Variants in PAG1 observed in about 807,000 individuals in gnomAD.
PAG1 encodes phosphoprotein membrane anchor with glycosphingolipid microdomains 1.
A neutral mutation model predicts 31.7 loss-of-function variants in PAG1; 23 were observed. That is an observed-to-expected ratio of 0.73 (90% confidence interval 0.52 to 1.03). The LOEUF is 1.03. Among genes scored for constraint, PAG1 ranks in the 50% least tolerant of loss-of-function variants. PAG1 has a pLI of 0.00. For missense variants in PAG1, 473 were observed against 540.7 expected, an observed-to-expected ratio of 0.87 and a Z score of 1.24; for synonymous variants, 214 against 210.3, an observed-to-expected ratio of 1.02 and a Z score of -0.15.
chr8:80,999,489 A>G (rs1304283486), intron 3 of PAG1, among the ~76,000 whole-genome samples: 1 of 151,886 alleles, frequency 6.6e-6, no homozygotes, highest in Non-Finnish European at 1.5e-5. Context: ...GATGAAAGAA[A>G]CCTGGAATGC....
intron 2 of PAG1, among the ~76,000 whole-genome samples, chr8:81,033,331 T>C (rs558578946): frequency 6.6e-6 from 1 of 152,300 alleles, no homozygotes; most frequent in South Asian, 2.1e-4. Context: ...ACAACTTGAG[T>C]ATAATTCTGA....
chr8:81,066,937 G>GCT (rs752633547), intron 2 of PAG1, among the ~76,000 whole-genome samples: 1 of 152,132 alleles, frequency 6.6e-6, no homozygotes, highest in Non-Finnish European at 1.5e-5. Context: ...AAAGTGGGAG[G>GCT]CTCGCTTGAG....
chr8:81,067,183 T>C (rs981758732), intron 2 of PAG1, among the ~76,000 whole-genome samples: 3 of 152,308 alleles, frequency 2.0e-5, no homozygotes, highest in Admixed American at 2.0e-4. Context: ...TTAAAAATTA[T>C]GTATGTTTGC....
intron 2 of PAG1, among the ~76,000 whole-genome samples, chr8:81,044,657 A>G (rs16908458): frequency 0.054 from 8,207 of 151,678 alleles, 725 homozygotes; most frequent in African/African-American, 0.18. Context: ...GTCAAGTCCA[A>G]CTCCTTAGAG....
At chr8:81,016,201 T>TG (rs1808070155) in intron 3 of PAG1, among the ~76,000 whole-genome samples, 1 of 152,208 alleles carries the variant, frequency 6.6e-6, no homozygotes, top group Non-Finnish European at 1.5e-5. Context: ...AATGAGCTGC[T>TG]GAGTAAATGG....
chr8:81,015,705 G>C (rs764563928), intron 3 of PAG1, among the ~76,000 whole-genome samples: 2 of 152,154 alleles, frequency 1.3e-5, no homozygotes, highest in Admixed American at 6.5e-5. Context: ...GAAAAATCAA[G>C]TTATATTTAA....
In PAG1 at chr8:80,976,559, A is replaced by G. The variant is rs1237121716; in HGVS notation, c.1284T>C (p.Asp428=). 1.2e-6 allele frequency: 2 copies of G among 1,612,236 alleles called. No homozygotes were observed. Among genetic ancestry groups the G allele is most frequent in the Admixed American group, 1.7e-5 (1 of 59,856 alleles). ...TTCTGGGTTGCTAGAGCCTGGTAAT[A>G]TCTCTGCCTTGCTGCAAGTCACTTA... ...ESISDLQQGR[D]ITRL is the part of the protein sequence containing the mutation. The change falls in exon 9 of 9, where the codon GAT becomes GAC. Residue 428 remains aspartate (D), a synonymous_variant. Transcript: ENST00000220597.
At chr8:81,061,493 A>T (rs529300543) in intron 2 of PAG1, among the ~76,000 whole-genome samples, 1 of 152,326 alleles carries the variant, frequency 6.6e-6, no homozygotes, top group South Asian at 2.1e-4. Context: ...TAATGACAGA[A>T]ATTCAGAGAA....
chr8:81,056,350 T>C (rs1489450019), intron 2 of PAG1, among the ~76,000 whole-genome samples: 2 of 152,150 alleles, frequency 1.3e-5, no homozygotes, highest in Non-Finnish European at 2.9e-5. Flanking sequence ...CAAAACAGCA[T>C]GGTACTGGTA....
At chr8:80,985,489 G>T in intron 6 of PAG1, 112 bp from the exon 7 acceptor site, 3 of 1,075,772 alleles carry the variant, frequency 2.8e-6, no homozygotes, top group Non-Finnish European at 2.6e-6. Flanking sequence ...TTTTATTTAA[G>T]TCTCAGGCAC....
intron 1 of PAG1, among the ~76,000 whole-genome samples, chr8:81,106,284 G>C (rs1271450085): frequency 6.6e-6 from 1 of 152,084 alleles, no homozygotes; most frequent in Non-Finnish European, 1.5e-5. Flanking sequence ...GACCTCAAGT[G>C]ATCCACCCTC....
intron 4 of PAG1, 99 bp downstream of exon 4, chr8:80,993,004 G>T: frequency 9.4e-7 from 1 of 1,065,530 alleles, no homozygotes; most frequent in Non-Finnish European, 1.3e-6. Flanking sequence ...GGACGGCTCT[G>T]TGGCGGGATT....
chr8:80,972,109 ATGT>A lies in PAG1; in HGVS notation c.*4432_*4434del, dbSNP rs764826637. The A allele has an allele frequency of 1.3e-5, 2 of 152,350 alleles. No individual in the cohort carries two copies. Among genetic ancestry groups the A allele is most frequent in the Middle Eastern group, 3.4e-3 (1 of 294 alleles). The allele number at this position is 152,350 out of a possible 1,614,324, so 9.4% of individuals were successfully genotyped here. ...AAGCCATATTTGATATTAAAGACAC[ATGT>A]TCCTATTTTCACATCAGTCATTTAT... On this transcript the variant is annotated 3_prime_UTR_variant, in exon 9 of 9. Transcript: ENST00000220597.
intron 2 of PAG1, among the ~76,000 whole-genome samples, chr8:81,045,695 A>G (rs1808630280): frequency 6.6e-6 from 1 of 152,264 alleles, no homozygotes; most frequent in Non-Finnish European, 1.5e-5. Context: ...TGTGAAAGAT[A>G]CTATATCTCA....
chr8:81,014,758 A>T (rs749049446), intron 3 of PAG1, among the ~76,000 whole-genome samples: 1 of 152,184 alleles, frequency 6.6e-6, no homozygotes, highest in Non-Finnish European at 1.5e-5. Context: ...TGAGGATCAG[A>T]GCCACAGTTC....
intron 3 of PAG1, among the ~76,000 whole-genome samples, chr8:80,993,744 T>C (rs1285641252): frequency 1.3e-5 from 2 of 151,892 alleles, no homozygotes; most frequent in Non-Finnish European, 2.9e-5. Context: ...CTGCTGGGAC[T>C]ACAGGCATGC....
At chr8:80,986,153 A>G (rs1807415337) in intron 6 of PAG1, among the ~76,000 whole-genome samples, 1 of 152,204 alleles carries the variant, frequency 6.6e-6, no homozygotes, top group Non-Finnish European at 1.5e-5. Context: ...AAGTTATTCC[A>G]TTAGTGTCTC....
chr8:81,032,821 C>G (rs1386665293), intron 2 of PAG1, among the ~76,000 whole-genome samples: 1 of 152,104 alleles, frequency 6.6e-6, no homozygotes, highest in Non-Finnish European at 1.5e-5. Context: ...GAAACAATGC[C>G]CCTCAACTGG....
chr8:81,077,549 A>T (rs2131000869), intron 1 of PAG1, among the ~76,000 whole-genome samples: 1 of 152,302 alleles, frequency 6.6e-6, no homozygotes, highest in Middle Eastern at 3.4e-3. Flanking sequence ...CCCTCCTAAC[A>T]TATGGTGACT....
Sources: gnomAD v4.1 joint callset for allele counts (sites outside exome capture counted in the v4.1 genomes callset) on GRCh38, gnomAD v4.1.1 for gene constraint, MANE v1.5 for transcripts, NCBI Gene and HGNC (gene_info 2026-07-23, HGNC 2026-07-21) for gene names.